GLT8D2: variants seen among roughly 807,000 people sequenced by gnomAD.
GLT8D2 encodes the protein glycosyltransferase 8 domain containing 2, also known as glycosyltransferase 8 domain-containing protein 2.
Under a neutral mutation model 44.5 loss-of-function variants are expected in GLT8D2, and 45 were observed. That is an observed-to-expected ratio of 1.01 (90% confidence interval 0.80 to 1.30). The LOEUF (loss-of-function observed/expected upper bound fraction) is 1.30. Among genes scored for constraint, GLT8D2 ranks in the 50% most tolerant of loss-of-function variants. The probability of loss-of-function intolerance (pLI) is 0.00; values close to 1 mark genes in which losing one functional copy is unlikely to be tolerated. For missense variants in GLT8D2, 400 were observed against 430.4 expected (o/e 0.93, Z 0.62); for synonymous variants, 156 against 157.2 (o/e 0.99, Z 0.06).
At chr12:103,994,684 G>T (rs1873193506) in intron 8 of GLT8D2, among the ~76,000 whole-genome samples, 183 bp from the exon 9 acceptor site, 1 of 152,010 alleles carries the variant, frequency 6.6e-6, no homozygotes, top group Non-Finnish European at 1.5e-5. Flanking sequence ...TCTAAATGCT[G>T]AATGCCCTAA....
In GLT8D2 at chr12:104,038,095, C is replaced by T. The variant is rs572369478; in HGVS notation, c.-164+11800G>A. ...AAAGGCCTTCCACAAAATTCAACAGCCTTTCATGCTAAAAACTCTCAATAA... is the reference window on the plus strand; with the variant it reads ...AAAGGCCTTCCACAAAATTCAACAGTCTTTCATGCTAAAAACTCTCAATAA... On this transcript the variant is annotated intron_variant, in intron 1 of 10. Coordinates refer to ENST00000360814, the MANE Select transcript of GLT8D2 (RefSeq NM_001384711.1). Among the ~76,000 whole-genome samples, 12 of 152,280 alleles carry T rather than the reference C, an allele frequency of 7.9e-5. No homozygotes were observed. In the East Asian group the frequency reaches 1.7e-3, roughly 22 times the overall value.
chr12:104,059,020 C>T (rs143577217), intron 1 of GLT8D2, among the ~76,000 whole-genome samples: 6 of 152,256 alleles, frequency 3.9e-5, no homozygotes, highest in Middle Eastern at 3.4e-3. Flanking sequence ...CAGGTAAGAG[C>T]GGGACAGCGC....
intron 1 of GLT8D2, among the ~76,000 whole-genome samples, chr12:104,026,051 G>A (rs528278837): frequency 2.0e-5 from 3 of 152,168 alleles, no homozygotes; most frequent in Admixed American, 1.3e-4. Flanking sequence ...GGCTGAGGCT[G>A]GCGGATCACT....
chr12:104,016,715 GAAAGAAAGAA>G (rs1163819190), intron 3 of GLT8D2, among the ~76,000 whole-genome samples: 5 of 35,820 alleles, frequency 1.4e-4, no homozygotes, highest in Non-Finnish European at 2.9e-4. Flanking sequence ...GAGAGAGAAA[GAAAGAAAGAA>G]AGAAAGAAAG....
At position 104,015,117 on chromosome 12, in the gene GLT8D2, A is replaced by G. The variant is rs1210894755; in HGVS notation, c.20-12T>C. ...CAGCACCTGATTAACTGAAATAGAA[A>G]TGGAAACACATTAACATTGAACCTA... On this transcript the variant is annotated splice_polypyrimidine_tract_variant and intron_variant, in intron 3 of 10. Transcript: ENST00000360814. 1 of 1,592,610 alleles carries G rather than the reference A, an allele frequency of 6.3e-7. No individual in the cohort carries two copies.
chr12:104,035,497 A>G (rs971396503), intron 1 of GLT8D2, among the ~76,000 whole-genome samples: 3 of 152,248 alleles, frequency 2.0e-5, no homozygotes, highest in Non-Finnish European at 4.4e-5. Context: ...GCTGAAAACC[A>G]TGGCACGAGA....
chr12:103,995,508 C>T (rs1026530198), intron 8 of GLT8D2, among the ~76,000 whole-genome samples: 1 of 152,216 alleles, frequency 6.6e-6, no homozygotes, highest in African/African-American at 2.4e-5. Context: ...AGCACAATCT[C>T]AGTGGAGCCT....
chr12:104,014,873 G>A, intron 4 of GLT8D2, 140 bp downstream of exon 4: 2 of 622,602 alleles, frequency 3.2e-6, no homozygotes, highest in East Asian at 2.8e-5. Flanking sequence ...GTGGTCTAGG[G>A]CGGATATTCT....
intron 5 of GLT8D2, 23 bp downstream of exon 5, chr12:104,003,112 A>C: frequency 1.3e-6 from 2 of 1,598,340 alleles, no homozygotes; most frequent in Non-Finnish European, 1.7e-6. Context: ...AGAAAGTGCC[A>C]AAGTCTGTAA....
chr12:104,052,616 A>G (rs1366919106), upstream of GLT8D2, among the ~76,000 whole-genome samples: 1 of 152,132 alleles, frequency 6.6e-6, no homozygotes, highest in African/African-American at 2.4e-5. Context: ...GCCTGTGTAG[A>G]ATTATTGACT....
At chr12:104,042,486 C>T (rs1880664178) in intron 1 of GLT8D2, among the ~76,000 whole-genome samples, 1 of 152,218 alleles carries the variant, frequency 6.6e-6, no homozygotes, top group Non-Finnish European at 1.5e-5. Context: ...AAGTCAAAGA[C>T]ATTCCAGTAG....
Position 104,014,921 on chromosome 12 carries a change from G to A in GLT8D2, c.112+92C>T, listed in dbSNP as rs1247754394. ...TTGGGAGTTGACCAAACTGTCACTTGTCCCTGAACCCAGCTATTGAAAGGA... is the reference window on the plus strand; with the variant it reads ...TTGGGAGTTGACCAAACTGTCACTTATCCCTGAACCCAGCTATTGAAAGGA... On this transcript the variant is annotated intron_variant, in intron 4 of 10. Coordinates refer to ENST00000360814, the MANE Select transcript of GLT8D2 (RefSeq NM_001384711.1). The A allele has an allele frequency of 4.7e-6, 4 of 844,606 alleles. No homozygotes were observed. The African/African-American group carries it at 6.8e-5, about 14-fold the overall frequency. 52.3% of individuals were successfully genotyped at this position (844,606 alleles called of 1,614,324 possible).
intron 6 of GLT8D2, 52 bp downstream of exon 6, chr12:103,999,345 A>G: frequency 9.9e-7 from 1 of 1,008,150 alleles, no homozygotes; most frequent in Non-Finnish European, 1.6e-6. Flanking sequence ...TCCTTTACTG[A>G]ACAAAGGTCT....
chr12:104,005,209 T>TA (rs1452149747), intron 4 of GLT8D2, among the ~76,000 whole-genome samples: 1 of 152,188 alleles, frequency 6.6e-6, no homozygotes, highest in Non-Finnish European at 1.5e-5. Flanking sequence ...ACCCCTTCCT[T>TA]ACACCTTATA....
At chr12:104,017,086 A>G (rs192807556) in intron 3 of GLT8D2, among the ~76,000 whole-genome samples, 29 of 152,292 alleles carry the variant, frequency 1.9e-4, no homozygotes, top group Admixed American at 1.8e-3. Context: ...ATGACTGAGG[A>G]AGTTCATGTT....
chr12:104,054,799 C>T (rs531902804), upstream of GLT8D2, among the ~76,000 whole-genome samples: 23 of 151,986 alleles, frequency 1.5e-4, no homozygotes, highest in Non-Finnish European at 2.8e-4. Flanking sequence ...TTGAAGCTTG[C>T]GTGTGAAGTA....
At chr12:104,042,525 A>C (rs1880668119) in intron 1 of GLT8D2, among the ~76,000 whole-genome samples, 1 of 152,248 alleles carries the variant, frequency 6.6e-6, no homozygotes, top group South Asian at 2.1e-4. Context: ...AAATTTTTGC[A>C]GAACTGAAGT....
chr12:104,054,686 G>A (rs370833077), upstream of GLT8D2, among the ~76,000 whole-genome samples: 6 of 152,028 alleles, frequency 3.9e-5, no homozygotes, highest in Non-Finnish European at 7.3e-5. Flanking sequence ...AGAGTGGCAC[G>A]TGAGCAGACA....
At chr12:104,022,218 A>G (rs76354342) in intron 1 of GLT8D2, among the ~76,000 whole-genome samples, 6,771 of 152,126 alleles carry the variant, frequency 0.045, 530 homozygotes, top group African/African-American at 0.16. Flanking sequence ...CTGTGGGATG[A>G]GAAAGTTTAT....
Sources: gnomAD v4.1 joint callset for allele counts (sites outside exome capture counted in the v4.1 genomes callset) on GRCh38, gnomAD v4.1.1 for gene constraint, MANE v1.5 for transcripts, NCBI Gene and HGNC (gene_info 2026-07-23, HGNC 2026-07-21) for gene names.